The following GABPB2 variants were observed in gnomAD, a reference collection of about 807,000 sequenced individuals.
GABPB2 encodes the protein GA-binding protein subunit beta-2.
In GABPB2, 23 loss-of-function variants were observed where a neutral mutation model predicts 39.1. That is an observed-to-expected ratio of 0.59 (90% CI 0.42 to 0.83). GABPB2 has a LOEUF of 0.83. GABPB2 is among the 40% of genes least tolerant of loss of function. The probability of loss-of-function intolerance (pLI) is 0.00; values close to 1 mark genes in which losing one functional copy is unlikely to be tolerated. For synonymous variants in GABPB2, 184 were observed against 199.3 expected (o/e 0.92, Z 0.65); for missense variants, 467 against 541.1 (o/e 0.86, Z 1.36).
At chr1:151,081,992 A>G (rs944024678) in intron 1 of GABPB2, among the ~76,000 whole-genome samples, 1 of 151,944 alleles carries the variant, frequency 6.6e-6, no homozygotes, top group Admixed American at 6.6e-5. Context: ...TTGTCGAAGG[A>G]AAGAGTATTA....
chr1:151,085,463 C>T (rs897236404), intron 1 of GABPB2, among the ~76,000 whole-genome samples: 11 of 151,752 alleles, frequency 7.2e-5, no homozygotes, highest in African/African-American at 2.7e-4. Flanking sequence ...TTTTTTGAGA[C>T]GGAGTCTCGC....
At chr1:151,088,021 T>A in intron 1 of GABPB2, 169 bp from the exon 2 acceptor site, 5 of 562,154 alleles carry the variant, frequency 8.9e-6, no homozygotes, top group Non-Finnish European at 1.6e-5. Context: ...TTCCCAAATA[T>A]TTTATTGTTT....
intron 3 of GABPB2, 152 bp downstream of exon 3, chr1:151,090,725 G>T (rs369938894): frequency 1.1e-5 from 8 of 731,224 alleles, no homozygotes; most frequent in Non-Finnish European, 1.7e-5. Context: ...TTCATGGCAG[G>T]CCGGGTGCCT....
chr1:151,101,661 G>T (rs1157001083), intron 5 of GABPB2, among the ~76,000 whole-genome samples: 2 of 152,090 alleles, frequency 1.3e-5, no homozygotes, highest in African/African-American at 4.8e-5. Flanking sequence ...TACTAACAAA[G>T]CTTAATGTCA....
chr1:151,124,438 C>A lies in GABPB2; in HGVS notation c.*6182C>A, dbSNP rs931491433. 6.6e-6 allele frequency: 1 copy of A among 150,522 alleles called. No homozygotes were observed. The highest frequency in any genetic ancestry group is 2.4e-5 in the African/African-American group (1 of 40,920). The allele number at this position is 150,522 out of a possible 1,614,324, so 9.3% of individuals were successfully genotyped here. A position where few individuals can be genotyped will look rare whatever the true frequency, so the allele number is the denominator to read the frequency against. ...CTGGGATTACAGGTGTGAGCCACCA[C>A]GCCCAGCCTCTTTTTTTTTTTTTTT... On this transcript the variant is annotated 3_prime_UTR_variant, in exon 9 of 9. Coordinates refer to ENST00000368918, the MANE Select transcript of GABPB2 (RefSeq NM_144618.3).
chr1:151,087,403 T>A (rs201654034), intron 1 of GABPB2, among the ~76,000 whole-genome samples: 1 of 151,848 alleles, frequency 6.6e-6, no homozygotes, highest in Admixed American at 6.6e-5. Flanking sequence ...TCCCAACACT[T>A]TGGGAGGCTG....
At position 151,118,506 on chromosome 1, in the gene GABPB2, A is replaced by G. The variant is rs1681053695; in HGVS notation, c.*250A>G. On this transcript the variant is annotated 3_prime_UTR_variant, in exon 9 of 9. Transcript: ENST00000368918. ...CTTAGCTCATATCATTGCTTTAAAC[A>G]TAGAAGTAAAAGAATACTGCATGTT... 2.5e-6 allele frequency: 1 copy of G among 392,374 alleles called. No individual in the cohort carries two copies. Among genetic ancestry groups the G allele is most frequent in the Non-Finnish European group, 4.6e-6 (1 of 218,948 alleles). The allele number at this position is 392,374 out of a possible 1,614,324, so 24.3% of individuals were successfully genotyped here.
chr1:151,094,541 G>T (rs1678964051), intron 4 of GABPB2, among the ~76,000 whole-genome samples: 1 of 150,158 alleles, frequency 6.7e-6, no homozygotes, highest in Non-Finnish European at 1.5e-5. Context: ...TAGAGACAGG[G>T]TTTCACCATT....
chr1:151,121,170 G>A lies in GABPB2; in HGVS notation c.*2914G>A, dbSNP rs1341019062. ...TCTTATGTGCAACAAAAAGGGGGTC[G>A]GAGGTAAATGCTGATGATGTTGTTT... On this transcript the variant is annotated 3_prime_UTR_variant, in exon 9 of 9. Coordinates refer to ENST00000368918, the MANE Select transcript of GABPB2 (RefSeq NM_144618.3). 4 of 152,300 alleles carry A rather than the reference G, an allele frequency of 2.6e-5. No individual in the cohort carries two copies. Among genetic ancestry groups the A allele is most frequent in the Middle Eastern group, 3.4e-3 (1 of 294 alleles). The allele number at this position is 152,300 out of a possible 1,614,324, so 9.4% of individuals were successfully genotyped here. A position where few individuals can be genotyped will look rare whatever the true frequency, so the allele number is the denominator to read the frequency against.
intron 7 of GABPB2, among the ~76,000 whole-genome samples, chr1:151,116,335 A>T (rs1680857660): frequency 6.7e-6 from 1 of 150,274 alleles, no homozygotes; most frequent in African/African-American, 2.4e-5. Context: ...GGTTGCAGTT[A>T]GCCATTGCAC....
chr1:151,090,930 G>A (rs1036965328), intron 3 of GABPB2, among the ~76,000 whole-genome samples: 24 of 151,572 alleles, frequency 1.6e-4, no homozygotes, highest in African/African-American at 5.1e-4. Flanking sequence ...CCTGGGAGGC[G>A]GAGGTTGTGG....
intron 2 of GABPB2, among the ~76,000 whole-genome samples, chr1:151,088,869 GCACGCCTGTAATCC>G (rs1462178051): frequency 2.6e-5 from 4 of 151,988 alleles, no homozygotes; most frequent in African/African-American, 9.7e-5. Context: ...GCATGGTGGC[GCACGCCTGTAATCC>G]CAGCTACTTG....
At position 151,120,137 on chromosome 1, in the gene GABPB2, G is replaced by C. The variant is rs748179178; in HGVS notation, c.*1881G>C. 2 of 151,920 alleles carry C rather than the reference G, an allele frequency of 1.3e-5. No individual in the cohort carries two copies. The highest frequency in any genetic ancestry group is 2.9e-5 in the Non-Finnish European group (2 of 68,016). 9.4% of individuals were successfully genotyped at this position (151,920 alleles called of 1,614,324 possible). A position where few individuals can be genotyped will look rare whatever the true frequency, so the allele number is the denominator to read the frequency against. On this transcript the variant is annotated 3_prime_UTR_variant, in exon 9 of 9. Transcript: ENST00000368918. ...TGAGGTGGGTGGATCATGAGGTCAG[G>C]AGTTCAAGACCAGCCTGGCCGAGAT...
intron 1 of GABPB2, among the ~76,000 whole-genome samples, chr1:151,078,277 A>G (rs1378492342): frequency 2.0e-5 from 3 of 150,504 alleles, no homozygotes; most frequent in Admixed American, 2.0e-4. Context: ...AACTCGAAAA[A>G]AAAAAAAAAA....
At chr1:151,076,128 A>C (rs10465794) in intron 1 of GABPB2, among the ~76,000 whole-genome samples, 2,352 of 152,312 alleles carry the variant, frequency 0.015, 66 homozygotes, top group African/African-American at 0.053. Flanking sequence ...GCATTCCTAC[A>C]CAAAGAGTAC....
chr1:151,118,000 C>A lies in GABPB2; in HGVS notation c.1091C>A (p.Ala364Asp). 6.2e-7 allele frequency: 1 copy of A among 1,613,926 alleles called. No individual in the cohort carries two copies. Among genetic ancestry groups the A allele is most frequent in the Non-Finnish European group, 8.5e-7 (1 of 1,179,888 alleles). The change falls in exon 9 of 9, where the codon GCC becomes GAC. Residue 364 changes from alanine (A) to aspartate (D), a missense_variant. Transcript: ENST00000368918. The part of the protein sequence containing the change: ...RELLQQQLQE[A>D]NRRAQEYRHQ... ...CTACTACAGCAACAACTCCAGGAGGCCAATCGAAGAGCCCAGGAATACCGA... is the reference window on the plus strand; with the variant it reads ...CTACTACAGCAACAACTCCAGGAGGACAATCGAAGAGCCCAGGAATACCGA...
At chr1:151,115,486 C>T (rs930441310) in intron 7 of GABPB2, among the ~76,000 whole-genome samples, 8 of 151,186 alleles carry the variant, frequency 5.3e-5, no homozygotes, top group Non-Finnish European at 1.0e-4. Context: ...CAGCAACCTC[C>T]GCATACCAGG....
Position 151,080,229 on chromosome 1 carries a change from A to C in GABPB2, c.1-7961A>C, listed in dbSNP as rs56975938. 4.2e-5 allele frequency among the ~76,000 whole-genome samples: 6 copies of C among 141,524 alleles called. 1 individual carries two copies. The highest frequency in any genetic ancestry group is 1.2e-4 in the African/African-American group (4 of 33,732). The allele number at this position is 141,524 out of a possible 152,430, so 92.8% of individuals were successfully genotyped here. ...AAACTCCATCTCAAAAAAAAAAAAA[A>C]AAAAAAAAAAAAAAACAATAATTAG... On this transcript the variant is annotated intron_variant, in intron 1 of 8. Coordinates refer to ENST00000368918, the MANE Select transcript of GABPB2 (RefSeq NM_144618.3).
chr1:151,081,997 G>A (rs1184041299), intron 1 of GABPB2, among the ~76,000 whole-genome samples: 1 of 151,170 alleles, frequency 6.6e-6, no homozygotes, highest in Non-Finnish European at 1.5e-5. Flanking sequence ...GAAGGAAAGA[G>A]TATTATAATA....
Sources: allele counts gnomAD v4.1 joint callset (sites outside exome capture counted in the v4.1 genomes callset), GRCh38; gene constraint gnomAD v4.1.1; transcripts MANE v1.5; gene names NCBI Gene and HGNC (gene_info 2026-07-23, HGNC 2026-07-21).